Variants in ADAM32 observed in about 807,000 individuals in gnomAD.
The protein encoded by ADAM32 is ADAM metallopeptidase domain 32.
In ADAM32, 89 loss-of-function variants were observed where a neutral mutation model predicts 114.9. That is an observed-to-expected ratio of 0.77 (90% confidence interval 0.65 to 0.92). ADAM32 has a LOEUF of 0.92. Ranked by LOEUF, ADAM32 falls within the 40% of genes least tolerant of loss-of-function variation. The probability of loss-of-function intolerance (pLI) is 0.00; values close to 1 mark genes in which losing one functional copy is unlikely to be tolerated. For synonymous variants in ADAM32, 285 were observed against 307.5 expected, an observed-to-expected ratio of 0.93 and a Z score of 0.77; for missense variants, 870 against 932.8, an observed-to-expected ratio of 0.93 and a Z score of 0.88.
At chr8:39,232,250 G>C in intron 15 of ADAM32, 115 bp downstream of exon 15, 2 of 719,452 alleles carry the variant, frequency 2.8e-6, no homozygotes, top group Non-Finnish European at 4.3e-6. Flanking sequence ...GTGCATAGGA[G>C]TGAACCTCAA....
At chr8:39,191,237 A>T (rs1293428617) in intron 11 of ADAM32, among the ~76,000 whole-genome samples, 1 of 152,216 alleles carries the variant, frequency 6.6e-6, no homozygotes, top group African/African-American at 2.4e-5. Context: ...TCTTTATGAT[A>T]GAACGATTTA....
chr8:39,118,273 G>A, intron 2 of ADAM32, 108 bp downstream of exon 2: 1 of 571,580 alleles, frequency 1.7e-6, no homozygotes, highest in Non-Finnish European at 2.7e-6. Context: ...AATGTCTCTT[G>A]TATTTCTACT....
chr8:39,145,579 C>T (rs377037300), intron 3 of ADAM32, among the ~76,000 whole-genome samples: 45 of 152,078 alleles, frequency 3.0e-4, no homozygotes, highest in East Asian at 2.1e-3. Context: ...GACTTAGAAA[C>T]GTAGAAAGAC....
chr8:39,247,921 C>T (rs1397279141), intron 17 of ADAM32, among the ~76,000 whole-genome samples: 1 of 151,286 alleles, frequency 6.6e-6, no homozygotes, highest in African/African-American at 2.4e-5. Context: ...ATTTTGATGT[C>T]TAGCTAGTAC....
At chr8:39,172,470 G>A (rs1805260339) in intron 10 of ADAM32, among the ~76,000 whole-genome samples, 1 of 151,990 alleles carries the variant, frequency 6.6e-6, no homozygotes, top group African/African-American at 2.4e-5. Context: ...TGTTTATCCT[G>A]GTGCTCTCCC....
chr8:39,200,847 G>A (rs1807348877), intron 11 of ADAM32, among the ~76,000 whole-genome samples: 1 of 152,194 alleles, frequency 6.6e-6, no homozygotes, highest in Admixed American at 6.5e-5. Context: ...CATATGGCTA[G>A]CCAGTTTTCC....
At chr8:39,167,841 A>G (rs1018096837) in intron 9 of ADAM32, 9 of 151,974 alleles carry the variant, frequency 5.9e-5, no homozygotes. Flanking sequence ...TCTCTGCTTG[A>G]TCACTGTTGG....
At chr8:39,134,225 A>G (rs773859505) in intron 2 of ADAM32, among the ~76,000 whole-genome samples, 3 of 151,954 alleles carry the variant, frequency 2.0e-5, no homozygotes, top group Non-Finnish European at 4.4e-5. Flanking sequence ...GGCTTTCAAC[A>G]TGGTACTGTG....
chr8:39,233,955 A>G lies in ADAM32; in HGVS notation c.1691A>G (p.Gln564Arg), dbSNP rs1809923220. ...CTYPTRKPFH[Q>R]ENGDVIYAFV... Reference sequence around the variant, plus strand: ...TACCCTACTCGAAAGCCTTTCCATCAAGAAAATGGTGATGTGATTTATGCT... The same window carrying G: ...TACCCTACTCGAAAGCCTTTCCATCGAGAAAATGGTGATGTGATTTATGCT... Residue 564 changes from glutamine to arginine, a missense_variant, in exon 16 of 25, where the codon CAA (glutamine) becomes CGA (arginine). Transcript: ENST00000379907. 6.3e-7 allele frequency: 1 copy of G among 1,592,658 alleles called. No homozygotes were observed. Among genetic ancestry groups the G allele is most frequent in the South Asian group, 1.2e-5 (1 of 86,400 alleles).
At chr8:39,261,167 C>A (rs985655085) in intron 19 of ADAM32, among the ~76,000 whole-genome samples, 1 of 152,092 alleles carries the variant, frequency 6.6e-6, no homozygotes, top group Admixed American at 6.6e-5. Flanking sequence ...ACTTTTTTCG[C>A]ATATCTCGCT....
chr8:39,140,567 G>A (rs1337801164), intron 3 of ADAM32, among the ~76,000 whole-genome samples: 1 of 152,140 alleles, frequency 6.6e-6, no homozygotes, highest in African/African-American at 2.4e-5. Flanking sequence ...GTATTTTATT[G>A]AGGATTTTCG....
chr8:39,211,408 G>C (rs568002702), intron 12 of ADAM32, 84 bp downstream of exon 12: 1 of 1,266,980 alleles, frequency 7.9e-7, no homozygotes, highest in South Asian at 2.1e-5. Context: ...TCTCAAATGT[G>C]AATGAGTACC....
chr8:39,271,796 G>C (rs1429776713), intron 20 of ADAM32, among the ~76,000 whole-genome samples: 2 of 151,998 alleles, frequency 1.3e-5, no homozygotes, highest in African/African-American at 4.8e-5. Context: ...TTGAAAATGG[G>C]TAGTTAAGTG....
At chr8:39,166,656 C>T (rs1804856531) in intron 9 of ADAM32, 1 of 152,180 alleles carries the variant, frequency 6.6e-6, no homozygotes, top group African/African-American at 2.4e-5. Flanking sequence ...TTCCCACCAG[C>T]AGTGTAGAAA....
chr8:39,123,182 C>T (rs1240024632), intron 2 of ADAM32, among the ~76,000 whole-genome samples: 1 of 151,778 alleles, frequency 6.6e-6, no homozygotes, highest in Non-Finnish European at 1.5e-5. Context: ...TATTTCTGGA[C>T]TTTCATGTCT....
intron 11 of ADAM32, among the ~76,000 whole-genome samples, chr8:39,208,093 G>A (rs527483250): frequency 1.3e-5 from 2 of 152,048 alleles, no homozygotes; most frequent in South Asian, 2.1e-4. Flanking sequence ...ACCCAGTTGT[G>A]GATTGCTAGA....
intron 10 of ADAM32, among the ~76,000 whole-genome samples, chr8:39,180,847 C>T (rs576138894): frequency 2.3e-4 from 35 of 152,108 alleles, no homozygotes; most frequent in African/African-American, 7.0e-4. Context: ...TTTGTAAACA[C>T]GCCAATCAGC....
chr8:39,144,382 A>G (rs980407524), intron 3 of ADAM32, among the ~76,000 whole-genome samples: 2 of 152,194 alleles, frequency 1.3e-5, no homozygotes, highest in African/African-American at 4.8e-5. Flanking sequence ...CCTGTTTTTG[A>G]GAAATGCTGA....
At chr8:39,111,941 GGCT>G in intron 1 of ADAM32, among the ~76,000 whole-genome samples, 1 of 151,930 alleles carries the variant, frequency 6.6e-6, no homozygotes, top group Non-Finnish European at 1.5e-5. Flanking sequence ...GGCCAAATTT[GGCT>G]TTACATCAGA....
Sources: allele counts gnomAD v4.1 joint callset (sites outside exome capture counted in the v4.1 genomes callset), GRCh38; gene constraint gnomAD v4.1.1; transcripts MANE v1.5; gene names NCBI Gene and HGNC (gene_info 2026-07-23, HGNC 2026-07-21).